RASSF9: variants seen among roughly 807,000 people sequenced by gnomAD.
RASSF9 encodes the protein ras association domain-containing protein 9.
In RASSF9, 18 loss-of-function variants were observed where a neutral mutation model predicts 21.4. That is an observed-to-expected ratio of 0.84 (90% CI 0.58 to 1.25). The LOEUF (loss-of-function observed/expected upper bound fraction) is 1.25. Among genes scored for constraint, RASSF9 ranks in the 50% most tolerant of loss-of-function variants. The pLI is 0.00. For synonymous variants in RASSF9, 183 were observed against 179.1 expected, an observed-to-expected ratio of 1.02 and a Z score of -0.18; for missense variants, 480 against 503.2, an observed-to-expected ratio of 0.95 and a Z score of 0.44.
chr12:85,835,945 C>G (rs984584877), intron 1 of RASSF9, among the ~76,000 whole-genome samples: 13 of 152,062 alleles, frequency 8.5e-5, no homozygotes, highest in African/African-American at 3.1e-4. Flanking sequence ...CTGGTCACTC[C>G]CATCATCAAT....
At chr12:85,820,372 T>G (rs1194456555) in intron 1 of RASSF9, among the ~76,000 whole-genome samples, 3 of 152,204 alleles carry the variant, frequency 2.0e-5, no homozygotes, top group Non-Finnish European at 2.9e-5. Flanking sequence ...AACCCCTGGA[T>G]GAACACAGTG....
Position 85,836,391 on chromosome 12 carries a change from T to G in RASSF9, c.-190A>C, listed in dbSNP as rs1297675948. 1 of 1,287,454 alleles carries G rather than the reference T, an allele frequency of 7.8e-7. No individual in the cohort carries two copies. Among genetic ancestry groups the G allele is most frequent in the Non-Finnish European group, 1.0e-6 (1 of 955,330 alleles). The allele number at this position is 1,287,454 out of a possible 1,614,324, so 79.8% of individuals were successfully genotyped here. On this transcript the variant is annotated 5_prime_UTR_variant, in exon 1 of 2. Transcript: ENST00000361228. ...AAGTTGTGCAACTGCTGCTTAACTT[T>G]GAACTGCGGGATTGTTGTGGCTGCT...
intron 1 of RASSF9, among the ~76,000 whole-genome samples, chr12:85,830,337 C>T (rs2166846): frequency 6.6e-6 from 1 of 152,056 alleles, no homozygotes; most frequent in Admixed American, 6.6e-5. Flanking sequence ...GGAGCTGGGC[C>T]TAGGAGCAAG....
At chr12:85,819,856 T>C (rs998777155) in intron 1 of RASSF9, among the ~76,000 whole-genome samples, 5 of 152,236 alleles carry the variant, frequency 3.3e-5, no homozygotes, top group Admixed American at 6.5e-5. Flanking sequence ...AAATAATTAG[T>C]ACCTTGTCTA....
intron 1 of RASSF9, among the ~76,000 whole-genome samples, chr12:85,823,468 C>G (rs1401046431): frequency 1.3e-5 from 2 of 152,172 alleles, no homozygotes; most frequent in East Asian, 3.9e-4. Flanking sequence ...CACCTTGCTT[C>G]TTCCACATAG....
At chr12:85,822,517 C>A (rs1365508036) in intron 1 of RASSF9, among the ~76,000 whole-genome samples, 1 of 151,962 alleles carries the variant, frequency 6.6e-6, no homozygotes, top group Non-Finnish European at 1.5e-5. Flanking sequence ...CTTGTAGAAA[C>A]GAGAGTATAT....
chr12:85,808,502 G>C (rs1292929876), intron 1 of RASSF9, among the ~76,000 whole-genome samples: 1 of 152,026 alleles, frequency 6.6e-6, no homozygotes, highest in Non-Finnish European at 1.5e-5. Context: ...TTAGAAATTA[G>C]AATACCAAAC....
Position 85,806,035 on chromosome 12 carries a change from G to A in RASSF9, c.48-73C>T, listed in dbSNP as rs375302431. The A allele has an allele frequency of 7.5e-6, 11 of 1,461,064 alleles. No homozygotes were observed. In the South Asian group the frequency reaches 1.5e-4, roughly 20 times the overall value. The allele number at this position is 1,461,064 out of a possible 1,614,324, so 90.5% of individuals were successfully genotyped here. On this transcript the variant is annotated intron_variant, in intron 1 of 1. Coordinates refer to ENST00000361228, the MANE Select transcript of RASSF9 (RefSeq NM_005447.4). ...AACTCAGAAAGATGGTTTAACATTA[G>A]TATGCTTTCTAGATTTTTACCCTTA... is the stretch of plus-strand genomic sequence containing the variant.
chr12:85,814,895 A>G (rs1330598874), intron 1 of RASSF9, among the ~76,000 whole-genome samples: 1 of 152,078 alleles, frequency 6.6e-6, no homozygotes, highest in Non-Finnish European at 1.5e-5. Flanking sequence ...TAAAAAGAAG[A>G]TGTGTGGATG....
chr12:85,814,022 A>G (rs940195464), intron 1 of RASSF9, among the ~76,000 whole-genome samples: 1 of 151,988 alleles, frequency 6.6e-6, no homozygotes, highest in African/African-American at 2.4e-5. Flanking sequence ...GCAGAACAAG[A>G]CTTCGTGCTT....
At chr12:85,823,073 G>C (rs993366938) in intron 1 of RASSF9, among the ~76,000 whole-genome samples, 2 of 151,912 alleles carry the variant, frequency 1.3e-5, no homozygotes, top group Admixed American at 6.6e-5. Flanking sequence ...GTTATTGGGC[G>C]CCTGTAGTCC....
At chr12:85,825,744 A>G (rs1880319225) in intron 1 of RASSF9, among the ~76,000 whole-genome samples, 1 of 151,912 alleles carries the variant, frequency 6.6e-6, no homozygotes, top group African/African-American at 2.4e-5. Flanking sequence ...TCTCTGTACC[A>G]TTCTCTAGGA....
At chr12:85,806,909 T>C (rs1488832054) in intron 1 of RASSF9, among the ~76,000 whole-genome samples, 1 of 152,066 alleles carries the variant, frequency 6.6e-6, no homozygotes, top group Admixed American at 6.6e-5. Context: ...TAACAATTGT[T>C]TATTTCATGC....
rs117837245 is a variant in RASSF9 at position 85,809,236 on chromosome 12, A to G, written c.48-3274T>C. Among the ~76,000 whole-genome samples the G allele has an allele frequency of 1.9e-3, 294 of 152,230 alleles. 2 individuals are homozygous for G. Among genetic ancestry groups the G allele is most frequent in the Non-Finnish European group, 1.3e-3 (85 of 67,986 alleles). On this transcript the variant is annotated intron_variant, in intron 1 of 1. Coordinates refer to ENST00000361228, the MANE Select transcript of RASSF9 (RefSeq NM_005447.4). ...AACTACACTATAAAAACAAATTTATAAGTTTTATAATTTAGATATGTGGAT... is the reference window on the plus strand; with the variant it reads ...AACTACACTATAAAAACAAATTTATGAGTTTTATAATTTAGATATGTGGAT...
chr12:85,830,534 C>T lies in RASSF9; in HGVS notation c.47+5621G>A, dbSNP rs910667561. ...TAGGAAGGAAAAATACAAGCAAGGT[C>T]CCTGCTCTGATTGGACCTATACTCA... On this transcript the variant is annotated intron_variant, in intron 1 of 1. Transcript: ENST00000361228. Among the ~76,000 whole-genome samples, 11 of 152,002 alleles carry T rather than the reference C, an allele frequency of 7.2e-5. No individual in the cohort carries two copies. The South Asian group carries it at 2.3e-3, about 32-fold the overall frequency.
Position 85,805,363 on chromosome 12 carries a change from G to T in RASSF9, c.647C>A (p.Ala216Asp), listed in dbSNP as rs762419823. 2.5e-6 allele frequency: 4 copies of T among 1,613,004 alleles called. No individual in the cohort carries two copies. The highest frequency in any genetic ancestry group is 3.4e-6 in the Non-Finnish European group (4 of 1,179,530). Residue 216 changes from alanine to aspartate, a missense_variant, in exon 2 of 2, where the codon GCT (alanine) becomes GAT (aspartate). Coordinates refer to ENST00000361228, the MANE Select transcript of RASSF9 (RefSeq NM_005447.4). ...TTCTACTCGATCAAGATGGAACTTAGCTTCACACTTTTCAATTTCCAGATC... is the reference window on the plus strand; with the variant it reads ...TTCTACTCGATCAAGATGGAACTTATCTTCACACTTTTCAATTTCCAGATC... ...ELDLEIEKCE[A>D]KFHLDRVEND...
At chr12:85,830,320 A>C (rs1489240048) in intron 1 of RASSF9, among the ~76,000 whole-genome samples, 1 of 152,128 alleles carries the variant, frequency 6.6e-6, no homozygotes, top group East Asian at 1.9e-4. Flanking sequence ...TTACCACTTG[A>C]AAGCCAGGAG....
chr12:85,802,136 G>C lies in RASSF9; in HGVS notation c.*2566C>G, dbSNP rs1879718315. On this transcript the variant is annotated 3_prime_UTR_variant, in exon 2 of 2. Coordinates refer to ENST00000361228, the MANE Select transcript of RASSF9 (RefSeq NM_005447.4). ...AGTCAGCTTTGGTTTGTTTCTTCTAGCTGCATATAGCAATTTCATAGTTAA... is the reference window on the plus strand; with the variant it reads ...AGTCAGCTTTGGTTTGTTTCTTCTACCTGCATATAGCAATTTCATAGTTAA... 6.6e-6 allele frequency: 1 copy of C among 152,178 alleles called. No homozygotes were observed. The highest frequency in any genetic ancestry group is 1.5e-5 in the Non-Finnish European group (1 of 68,030). The allele number at this position is 152,178 out of a possible 1,614,324, so 9.4% of individuals were successfully genotyped here.
At chr12:85,827,429 G>A (rs1270193207) in intron 1 of RASSF9, among the ~76,000 whole-genome samples, 4 of 152,022 alleles carry the variant, frequency 2.6e-5, no homozygotes, top group South Asian at 2.1e-4. Flanking sequence ...TTCACTCCTC[G>A]TCCTAGTACA....
Sources: gnomAD v4.1 joint callset for allele counts (sites outside exome capture counted in the v4.1 genomes callset) on GRCh38, gnomAD v4.1.1 for gene constraint, MANE v1.5 for transcripts, NCBI Gene and HGNC (gene_info 2026-07-23, HGNC 2026-07-21) for gene names.